Variants in UBR4 observed in about 807,000 individuals in gnomAD.
The protein encoded by UBR4 is ubiquitin protein ligase E3 component n-recognin 4, also known as E3 ubiquitin-protein ligase UBR4.
Under a neutral mutation model 575.6 loss-of-function variants are expected in UBR4, and 124 were observed. The observed-to-expected ratio is 0.22, with a 90% CI of 0.19 to 0.25. The LOEUF is 0.25. Ranked by LOEUF, UBR4 falls within the 10% of genes least tolerant of loss-of-function variation. UBR4 has a pLI of 1.00. For synonymous variants in UBR4, 2,455 were observed against 2,473.7 expected (o/e 0.99, Z 0.22); for missense variants, 4,818 against 6,478.8 (o/e 0.74, Z 8.80).
At chr1:19,199,791 C>T (rs1406317253) in intron 2 of UBR4, 37 bp from the exon 3 acceptor site, 6 of 1,573,484 alleles carry the variant, frequency 3.8e-6, no homozygotes, top group Non-Finnish European at 8.7e-7. Context: ...TTTCAGACTG[C>T]TCAGCGTTGG....
At chr1:19,134,141 A>T (rs4066013) in intron 60 of UBR4, among the ~76,000 whole-genome samples, 100,050 of 149,100 alleles carry the variant, frequency 0.67, 34,401 homozygotes, top group East Asian at 0.81. Flanking sequence ...CATGGTGGCA[A>T]GCACCTAGCT....
At chr1:19,131,264 A>T (rs1044142472) in intron 60 of UBR4, among the ~76,000 whole-genome samples, 20 of 148,494 alleles carry the variant, frequency 1.3e-4, no homozygotes, top group South Asian at 4.3e-4. Flanking sequence ...AAAAAAAAAA[A>T]AAAAATAAAC....
In UBR4 at chr1:19,088,613, C is replaced by T. The variant is rs2077233455; in HGVS notation, c.14430+146G>A. The T allele has an allele frequency of 4.1e-6, 3 of 723,904 alleles. No individual in the cohort carries two copies. The highest frequency in any genetic ancestry group is 3.7e-5 in the South Asian group (2 of 54,230). The allele number at this position is 723,904 out of a possible 1,614,324, so 44.8% of individuals were successfully genotyped here. On this transcript the variant is annotated intron_variant, in intron 98 of 105. Transcript: ENST00000375254. The surrounding 1 kb of genome is among the most constrained non-coding windows in gnomAD (Gnocchi z 4.0). ...TATGATAGAACGATAGTAGTTCCACCTCTGAGAGGGCCGAACACACCTAGT... is the reference window on the plus strand; with the variant it reads ...TATGATAGAACGATAGTAGTTCCACTTCTGAGAGGGCCGAACACACCTAGT...
intron 101 of UBR4, among the ~76,000 whole-genome samples, chr1:19,085,376 G>T (rs2076914075): frequency 6.6e-6 from 1 of 152,210 alleles, no homozygotes; most frequent in African/African-American, 2.4e-5. Context: ...ACAAAAATTA[G>T]CTGGGCATGG....
At chr1:19,123,101 A>C (rs764470518) in intron 65 of UBR4, 41 bp from the exon 66 acceptor site, 1 of 1,598,420 alleles carries the variant, frequency 6.3e-7, no homozygotes, top group East Asian at 2.3e-5. Flanking sequence ...TGACTCTGGG[A>C]CTGTATCTAT....
rs1287577175 is a variant in UBR4 at position 19,210,257 on chromosome 1, G to C, written c.-9C>G. The C allele has an allele frequency of 2.1e-6, 3 of 1,444,294 alleles. No homozygotes were observed. Among genetic ancestry groups the C allele is most frequent in the Admixed American group, 2.8e-5 (1 of 35,878 alleles). 89.5% of individuals were successfully genotyped at this position (1,444,294 alleles called of 1,614,324 possible). A position where few individuals can be genotyped will look rare whatever the true frequency, so the allele number is the denominator to read the frequency against. ...CCGCCGCTCGTCGCCATCTTCCGTC[G>C]TACTACTGCGGCTCCCTCCGGGGGC... On this transcript the variant is annotated 5_prime_UTR_variant, in exon 1 of 106. Transcript: ENST00000375254.
intron 2 of UBR4, among the ~76,000 whole-genome samples, chr1:19,200,655 G>T (rs1050473269): frequency 6.6e-6 from 1 of 152,040 alleles, no homozygotes; most frequent in Non-Finnish European, 1.5e-5. Flanking sequence ...AAAATTTTAA[G>T]TATAACTTAA....
chr1:19,179,974 G>T (rs1234299299), intron 17 of UBR4, among the ~76,000 whole-genome samples: 1 of 152,182 alleles, frequency 6.6e-6, no homozygotes, highest in African/African-American at 2.4e-5. Flanking sequence ...CTCTTCCCTG[G>T]AAATGAATGT....
chr1:19,127,940 C>T (rs36047443), intron 62 of UBR4, among the ~76,000 whole-genome samples: 2,170 of 152,236 alleles, frequency 0.014, 20 homozygotes, highest in Middle Eastern at 0.02. Context: ...TATTAAGATA[C>T]GAACAACTAA....
Position 19,199,755 on chromosome 1 carries a change from C to G in UBR4, c.275-1G>C. 6.2e-7 allele frequency: 1 copy of G among 1,613,798 alleles called. No homozygotes were observed. The highest frequency in any genetic ancestry group is 8.5e-7 in the Non-Finnish European group (1 of 1,179,728). On this transcript the variant is annotated splice_acceptor_variant, in intron 2 of 105. Transcript: ENST00000375254. LOFTEE classifies it high-confidence loss of function. ...ACTGACTGAAGTTGGTTCCGGGGAACTGAGAAAGTAATAAACATTACTCAA... is the reference window on the plus strand; with the variant it reads ...ACTGACTGAAGTTGGTTCCGGGGAAGTGAGAAAGTAATAAACATTACTCAA...
In UBR4 at chr1:19,105,051, G is replaced by A. The variant is rs1239082656; in HGVS notation, c.12642C>T (p.Thr4214=). The change falls in exon 85 of 106, where the codon ACC becomes ACT. Residue 4214 remains threonine (T), a synonymous_variant. Coordinates refer to ENST00000375254, the MANE Select transcript of UBR4 (RefSeq NM_020765.3). Reference sequence around the variant, plus strand: ...CTTGGGCAATAGGGTAGGATACCTTGGTGATGAGGTTGCCCACATAGGGTA... The same window carrying A: ...CTTGGGCAATAGGGTAGGATACCTTAGTGATGAGGTTGCCCACATAGGGTA... ...GVLPYVGNLI[T]KEIARLLALE... is the part of the protein sequence containing the mutation. 3 of 1,613,694 alleles carry A rather than the reference G, an allele frequency of 1.9e-6. No individual in the cohort carries two copies. The highest frequency in any genetic ancestry group is 2.2e-5 in the South Asian group (2 of 91,044).
intron 92 of UBR4, chr1:19,095,925 T>C (rs2077992240): frequency 5.5e-6 from 2 of 365,446 alleles, no homozygotes; most frequent in East Asian, 1.2e-4. Flanking sequence ...TGATGCTCTG[T>C]TTGTTGTCTT....
rs751105948 is a variant in UBR4, at chr1:19,110,850, A to G, written c.11802-18T>C. 42 of 1,610,586 alleles carry G rather than the reference A, an allele frequency of 2.6e-5. No individual in the cohort carries two copies. Among genetic ancestry groups the G allele is most frequent in the Non-Finnish European group, 3.6e-5 (42 of 1,177,734 alleles). ...GGTTGTCTCTGCAGAAGCAAATAGA[A>G]ATGGAGTCCTATAATTCACAATCAG... is the stretch of plus-strand genomic sequence containing the variant. On this transcript the variant is annotated intron_variant, in intron 78 of 105. Transcript: ENST00000375254. This position sits in a 1 kb window ranked among gnomAD's most constrained non-coding sequence, Gnocchi z 4.5.
At position 19,179,170 on chromosome 1, in the gene UBR4, C is replaced by T; in HGVS notation, c.2235G>A (p.Trp745Ter). 1.3e-6 allele frequency: 2 copies of T among 1,593,768 alleles called. No individual in the cohort carries two copies. Among genetic ancestry groups the T allele is most frequent in the Non-Finnish European group, 1.7e-6 (2 of 1,175,104 alleles). ...LGVAPFSEGP[W>*]PLYIHPQSLS... is the part of the protein sequence containing the mutation. ...GGCTTTGAGGGTGAATGTACAAGGG[C>T]CAAGGGCCCTCAGAAAAAGGAGCCA... Residue 745 changes from tryptophan (W) to a stop codon, truncating the protein, a stop_gained, in exon 18 of 106, where the codon TGG (tryptophan) becomes TGA (stop). Coordinates refer to ENST00000375254, the MANE Select transcript of UBR4 (RefSeq NM_020765.3). LOFTEE classifies it high-confidence loss of function.
Position 19,095,617 on chromosome 1 carries a change from C to T in UBR4, c.13554G>A (p.Val4518=). The change falls in exon 93 of 106, where the codon GTG becomes GTA. Residue 4518 remains valine (V), a synonymous_variant. Transcript: ENST00000375254. ...LLKLFSYCVK[V]KVNRQQLVKL... ...TGACCAGTTGCTGCCGGTTGACTTT[C>T]ACCTTCACGCAGTAACTGAACAATT... 1 of 1,614,108 alleles carries T rather than the reference C, an allele frequency of 6.2e-7. No homozygotes were observed. Among genetic ancestry groups the T allele is most frequent in the Non-Finnish European group, 8.5e-7 (1 of 1,180,010 alleles).
chr1:19,155,346 C>T (rs2086298349), intron 43 of UBR4, 95 bp downstream of exon 43: 1 of 1,321,518 alleles, frequency 7.6e-7, no homozygotes, highest in African/African-American at 1.5e-5. Flanking sequence ...ATGAAGTCCA[C>T]AGAAAAATGT....
intron 8 of UBR4, among the ~76,000 whole-genome samples, chr1:19,193,830 G>T (rs1436963685): frequency 2.6e-5 from 4 of 152,008 alleles, no homozygotes; most frequent in Non-Finnish European, 5.9e-5. Context: ...ACAAACTGTG[G>T]TATATCCATA....
In UBR4 at chr1:19,124,590, C is replaced by A; in HGVS notation, c.9539G>T (p.Arg3180Leu). Residue 3180 changes from arginine (R) to leucine (L), a missense_variant, in exon 65 of 106, where the codon CGA (arginine) becomes CTA (leucine). By Grantham distance (102) the Arg-to-Leu change is moderately radical. Around this residue, in one of 29 missense-constraint regions of UBR4, gnomAD observed 550 missense variants for 791.5 expected, o/e 0.69. Transcript: ENST00000375254. ...QIKKITDTNS[R>L]IPPPVFDHSW... is the part of the protein sequence containing the mutation. ...GTGGTCAAAGACAGGAGGTGGGATT[C>A]GAGAATTGGTGTCAGTAATCTTTTT... 6.2e-7 allele frequency: 1 copy of A among 1,614,150 alleles called. No individual in the cohort carries two copies. Among genetic ancestry groups the A allele is most frequent in the South Asian group, 1.1e-5 (1 of 91,084 alleles).
chr1:19,125,564 T>C (rs1179900260), intron 64 of UBR4: 1 of 152,180 alleles, frequency 6.6e-6, no homozygotes, highest in Non-Finnish European at 1.5e-5. Flanking sequence ...AGGAAAGAAT[T>C]CCAGAAGGGA....
Sources: gnomAD v4.1 joint callset for allele counts (sites outside exome capture counted in the v4.1 genomes callset) on GRCh38, gnomAD v4.1.1 for gene constraint, gnomAD v4.1.1 regional missense constraint, Gnocchi (gnomAD v3.1) non-coding constraint, MANE v1.5 for transcripts, NCBI Gene and HGNC (gene_info 2026-07-23, HGNC 2026-07-21) for gene names.